Variants in ZNHIT3 observed in about 807,000 individuals in gnomAD.
ZNHIT3 encodes the protein zinc finger HIT domain-containing protein 3.
In ZNHIT3, 27 loss-of-function variants were observed where a neutral mutation model predicts 19.9. The ratio of observed to expected loss-of-function variants is 1.36; its 90% CI spans 1.00 to 1.87. The LOEUF (loss-of-function observed/expected upper bound fraction) is 1.87, where lower values mean the gene tolerates loss of function less well. Among genes scored for constraint, ZNHIT3 ranks in the 40% most tolerant of loss-of-function variants. The probability of loss-of-function intolerance (pLI) is 0.00; values close to 1 mark genes in which losing one functional copy is unlikely to be tolerated. For missense variants in ZNHIT3, 215 were observed against 185.6 expected (o/e 1.16, Z -0.92); for synonymous variants, 81 against 65.7 (o/e 1.23, Z -1.13).
intron 2 of ZNHIT3, chr17:36,489,412 C>T (rs2070673662): frequency 6.6e-6 from 1 of 152,124 alleles, no homozygotes; most frequent in African/African-American, 2.4e-5. Flanking sequence ...TTCCCAATAA[C>T]AGTGCAGTGT....
intron 3 of ZNHIT3, chr17:36,493,270 C>G: frequency 3.5e-6 from 1 of 288,946 alleles, no homozygotes; most frequent in South Asian, 4.8e-5. Flanking sequence ...AGGAGGCTTT[C>G]TTTGTCCTAG....
chr17:36,486,758 A>T lies in ZNHIT3; in HGVS notation c.59A>T (p.Tyr20Phe), dbSNP rs760298652. ...GTGATCTGCTTGGAGAAGCCCAAAT[A>T]CCGCTGTCCAGCCTGCCGCGTGCCC... Reference protein sequence around the residue: ...VCVICLEKPKYRCPACRVPYC... With the variant: ...VCVICLEKPKFRCPACRVPYC... Residue 20 changes from tyrosine (Y) to phenylalanine (F), a missense_variant, in exon 1 of 5, where the codon TAC becomes TTC. Coordinates refer to ENST00000617429, the MANE Select transcript of ZNHIT3 (RefSeq NM_004773.4). 6.3e-7 allele frequency: 1 copy of T among 1,576,796 alleles called. No individual in the cohort carries two copies. The highest frequency in any genetic ancestry group is 8.6e-7 in the Non-Finnish European group (1 of 1,158,268).
At chr17:36,492,130 C>T (rs1169090123) in intron 2 of ZNHIT3, 1 of 152,314 alleles carries the variant, frequency 6.6e-6, no homozygotes, top group East Asian at 1.9e-4. Context: ...ACAATCTGGT[C>T]CTGCCTTTAT....
At chr17:36,497,588 A>ATT, downstream of ZNHIT3, 1 of 971,950 alleles carries the variant, frequency 1.0e-6, no homozygotes, top group African/African-American at 1.8e-5. Flanking sequence ...CCTAAACCAA[A>ATT]CTTTTTTTTT....
intron 2 of ZNHIT3, chr17:36,489,733 A>G (rs903105683): frequency 1.1e-4 from 17 of 150,854 alleles, no homozygotes; most frequent in African/African-American, 3.9e-4. Flanking sequence ...GGTTCAGGTG[A>G]TTCTCCTGCC....
chr17:36,499,151 G>C (rs1037259597), downstream of ZNHIT3: 10 of 1,605,230 alleles, frequency 6.2e-6, no homozygotes, highest in Non-Finnish European at 8.5e-6. Context: ...AGTTAACCAG[G>C]AACGAATGGC....
In ZNHIT3 at chr17:36,492,872, A is replaced by C. The variant is rs2070759564; in HGVS notation, c.178A>C (p.Lys60Gln). ...AAAAATAAGATCAGCTCTTCCTACCAAAACCGTAAAGCCTGTGGAAAACAA... is the reference window on the plus strand; with the variant it reads ...AAAAATAAGATCAGCTCTTCCTACCCAAACCGTAAAGCCTGTGGAAAACAA... ...EKKIRSALPT[K>Q]TVKPVENKDD... Residue 60 changes from lysine to glutamine, a missense_variant, in exon 3 of 5, where the codon AAA (lysine) becomes CAA (glutamine). Physicochemically the swap from Lys to Gln is moderately conservative, Grantham distance 53 (BLOSUM62 1). Coordinates refer to ENST00000617429, the MANE Select transcript of ZNHIT3 (RefSeq NM_004773.4). The C allele has an allele frequency of 6.2e-7, 1 of 1,614,220 alleles. No homozygotes were observed.
Position 36,495,571 on chromosome 17 carries a change from C to T in ZNHIT3, c.*167C>T. On this transcript the variant is annotated 3_prime_UTR_variant, in exon 5 of 5. Coordinates refer to ENST00000617429, the MANE Select transcript of ZNHIT3 (RefSeq NM_004773.4). ...ACCGGCATTGATGTGGCTCATGTTT[C>T]AGGCAGACTTGGGGTCCTTAAGGTG... 1 of 1,315,338 alleles carries T rather than the reference C, an allele frequency of 7.6e-7. No individual in the cohort carries two copies. Among genetic ancestry groups the T allele is most frequent in the South Asian group, 2.5e-5 (1 of 39,888 alleles). The allele number at this position is 1,315,338 out of a possible 1,614,324, so 81.5% of individuals were successfully genotyped here.
downstream of ZNHIT3, chr17:36,497,874 C>T (rs576230619): frequency 7.4e-5 from 14 of 188,420 alleles, 2 homozygotes; most frequent in Admixed American, 6.0e-4. Flanking sequence ...CGTGAGCCAC[C>T]GCTCCAGGCC....
chr17:36,486,826 G>A (rs1010807827), intron 1 of ZNHIT3, 41 bp downstream of exon 1: 4 of 1,603,100 alleles, frequency 2.5e-6, no homozygotes, highest in Admixed American at 3.4e-5. Flanking sequence ...GCGGGTGTCC[G>A]GCCATGGCGG....
At chr17:36,488,795 C>A (rs904725878) in intron 2 of ZNHIT3, among the ~76,000 whole-genome samples, 2 of 152,172 alleles carry the variant, frequency 1.3e-5, no homozygotes, top group African/African-American at 4.8e-5. Flanking sequence ...TTAGCATATT[C>A]GCCCCAAATA....
chr17:36,493,212 T>C, intron 3 of ZNHIT3: 1 of 415,140 alleles, frequency 2.4e-6, no homozygotes, highest in South Asian at 2.9e-5. Flanking sequence ...CTGGTCTCCC[T>C]CCATGAATCT....
intron 2 of ZNHIT3, 48 bp from the exon 3 acceptor site, chr17:36,492,765 G>A (rs766951215): frequency 6.4e-7 from 1 of 1,563,706 alleles, no homozygotes; most frequent in East Asian, 2.2e-5. Flanking sequence ...GTGCAGCCTT[G>A]TCGCTGAAAT....
Position 36,493,997 on chromosome 17 carries a change from AAGAATTTAG to A in ZNHIT3, c.278_286del (p.Lys93_Gly96delinsArg). The A allele has an allele frequency of 6.2e-7, 1 of 1,611,304 alleles. No homozygotes were observed. On this transcript the variant is annotated inframe_deletion and splice_region_variant, in exon 4 of 5. Transcript: ENST00000617429. The stretch of plus-strand genomic sequence containing the variant: ...AGACAGAGTTTCTTTGCAGAATTTA[AAGAATTTAG>A]GTAAGTCTGTGCTATGCTTGTCAAT...
downstream of ZNHIT3, chr17:36,496,231 G>A (rs1301119386): frequency 6.2e-7 from 1 of 1,612,690 alleles, no homozygotes; most frequent in African/African-American, 1.3e-5. Context: ...AAGGCCTTGT[G>A]GAAACAAAGG....
intron 4 of ZNHIT3, among the ~76,000 whole-genome samples, chr17:36,494,804 C>T (rs2070843348): frequency 6.6e-6 from 1 of 152,124 alleles, no homozygotes; most frequent in Non-Finnish European, 1.5e-5. Context: ...GTCTTCACCA[C>T]TGGCAACTTT....
intron 2 of ZNHIT3, chr17:36,489,136 T>A (rs2070664845): frequency 2.0e-5 from 3 of 152,248 alleles, no homozygotes. Context: ...GTGACAGGAT[T>A]TCATGGTTTT....
At chr17:36,494,560 G>A (rs1734366071) in intron 4 of ZNHIT3, among the ~76,000 whole-genome samples, 2 of 152,056 alleles carry the variant, frequency 1.3e-5, no homozygotes, top group Non-Finnish European at 2.9e-5. Context: ...ATGTGCATGG[G>A]GTCTGTTAAT....
chr17:36,496,287 G>C, downstream of ZNHIT3: 1 of 1,614,028 alleles, frequency 6.2e-7, no homozygotes, highest in Non-Finnish European at 8.5e-7. Flanking sequence ...AGGTCACGTG[G>C]ATCAGCCTGT....
Sources: gnomAD v4.1 joint callset for allele counts (sites outside exome capture counted in the v4.1 genomes callset) on GRCh38, gnomAD v4.1.1 for gene constraint, MANE v1.5 for transcripts, NCBI Gene and HGNC (gene_info 2026-07-23, HGNC 2026-07-21) for gene names.